Variants in DLGAP2 observed in about 807,000 individuals in gnomAD.
DLGAP2 encodes the protein DLG associated protein 2.
In DLGAP2, 26 loss-of-function variants were observed where a neutral mutation model predicts 100.3. The ratio of observed to expected loss-of-function variants is 0.26; its 90% CI spans 0.19 to 0.36. The LOEUF (loss-of-function observed/expected upper bound fraction) is 0.36. Among genes scored for constraint, DLGAP2 ranks in the 10% least tolerant of loss-of-function variants. The probability of loss-of-function intolerance (pLI) is 1.00; values close to 1 mark genes in which losing one functional copy is unlikely to be tolerated. For missense variants in DLGAP2, 1,858 were observed against 1,453.2 expected, an observed-to-expected ratio of 1.28 and a Z score of -4.53; for synonymous variants, 886 against 630.1, an observed-to-expected ratio of 1.41 and a Z score of -6.08.
At chr8:825,883 C>G (rs1423347647) in intron 1 of DLGAP2, among the ~76,000 whole-genome samples, 1 of 152,190 alleles carries the variant, frequency 6.6e-6, no homozygotes, top group African/African-American at 2.4e-5. Flanking sequence ...TTAGAACATA[C>G]AAGAAGTTGT....
chr8:1,430,088 G>C (rs1439177054), intron 3 of DLGAP2, among the ~76,000 whole-genome samples: 1 of 139,026 alleles, frequency 7.2e-6, no homozygotes, highest in African/African-American at 2.6e-5. Context: ...GTTACTGTGT[G>C]GTAAAATAAA....
intron 2 of DLGAP2, among the ~76,000 whole-genome samples, chr8:1,203,559 T>C (rs769554771): frequency 6.6e-6 from 1 of 152,246 alleles, no homozygotes; most frequent in African/African-American, 2.4e-5. Context: ...GGTTCTCTTT[T>C]ATCTAGCAGA....
intron 3 of DLGAP2, among the ~76,000 whole-genome samples, chr8:1,466,093 T>C (rs1175687315): frequency 2.6e-5 from 4 of 152,178 alleles, no homozygotes; most frequent in Non-Finnish European, 4.4e-5. Flanking sequence ...TGACATACTT[T>C]GCATTTTGAG....
intron 5 of DLGAP2, among the ~76,000 whole-genome samples, chr8:1,556,551 T>C (rs930953877): frequency 8.5e-5 from 13 of 152,140 alleles, no homozygotes; most frequent in African/African-American, 2.9e-4. Flanking sequence ...GACTTGGTGG[T>C]CCACATGCAG....
Position 772,225 on chromosome 8 carries a change from G to A in DLGAP2, c.18+34400G>A, listed in dbSNP as rs1036480961. Among the ~76,000 whole-genome samples, 15 of 151,984 alleles carry A rather than the reference G, an allele frequency of 9.9e-5. No individual in the cohort carries two copies. In the South Asian group the frequency reaches 2.9e-3, roughly 29 times the overall value. On this transcript the variant is annotated intron_variant, in intron 1 of 14. Coordinates refer to ENST00000637795, the MANE Select transcript of DLGAP2 (RefSeq NM_001346810.2). ...CTCATCTGTAATTTTAAATTTTCTA[G>A]TAGCCATATTGAAAAAGTAAAAACA...
chr8:766,464 C>T (rs1315509881), intron 1 of DLGAP2, among the ~76,000 whole-genome samples: 1 of 152,212 alleles, frequency 6.6e-6, no homozygotes, highest in Non-Finnish European at 1.5e-5. Flanking sequence ...CGGAATTGAA[C>T]TCTGGGGTGA....
intron 1 of DLGAP2, among the ~76,000 whole-genome samples, chr8:860,983 T>C (rs1797377934): frequency 6.6e-6 from 1 of 152,138 alleles, no homozygotes; most frequent in African/African-American, 2.4e-5. Flanking sequence ...TGGACAAATA[T>C]TCCATACATG....
chr8:1,109,065 TGGGTCTGTGAGGTGTGCAC>T lies in DLGAP2; in HGVS notation c.74-149746_74-149728del, dbSNP rs1438251689. On this transcript the variant is annotated intron_variant, in intron 2 of 14. Coordinates refer to ENST00000637795, the MANE Select transcript of DLGAP2 (RefSeq NM_001346810.2). ...GTGTGCATGTGCCTATGAAGTGTGC[TGGGTCTGTGAGGTGTGCAC>T]GGGTCTGTGAGGTGTGCACGGGTCT... Among the ~76,000 whole-genome samples the T allele has an allele frequency of 9.3e-3, 1,107 of 119,108 alleles. 18 individuals are homozygous for T. The highest frequency in any genetic ancestry group is 0.016 in the Middle Eastern group (3 of 186). The allele number at this position is 119,108 out of a possible 152,430, so 78.1% of individuals were successfully genotyped here.
intron 3 of DLGAP2, among the ~76,000 whole-genome samples, chr8:1,328,248 G>T (rs1259763858): frequency 6.6e-6 from 1 of 151,660 alleles, no homozygotes; most frequent in Non-Finnish European, 1.5e-5. Context: ...CACCTCATTG[G>T]CCAGGCTGGT....
chr8:1,250,566 T>A (rs940285096), intron 2 of DLGAP2: 11 of 152,194 alleles, frequency 7.2e-5, no homozygotes, highest in Non-Finnish European at 1.2e-4. Flanking sequence ...ATGAGGATCC[T>A]GAGCAGGTAA....
At chr8:1,204,030 G>A (rs1442684962) in intron 2 of DLGAP2, among the ~76,000 whole-genome samples, 1 of 152,224 alleles carries the variant, frequency 6.6e-6, no homozygotes, top group African/African-American at 2.4e-5. Flanking sequence ...AAACTTCAAT[G>A]TGCTTACGAA....
At chr8:1,079,066 A>T (rs1373978460) in intron 2 of DLGAP2, among the ~76,000 whole-genome samples, 2 of 152,194 alleles carry the variant, frequency 1.3e-5, no homozygotes, top group Non-Finnish European at 2.9e-5. Context: ...CCAGCGTTTC[A>T]TGCTGTCAGG....
chr8:835,636 A>G (rs1279884675), intron 1 of DLGAP2, among the ~76,000 whole-genome samples: 2 of 152,148 alleles, frequency 1.3e-5, no homozygotes, highest in East Asian at 1.9e-4. Context: ...AGGCACTCTT[A>G]AAACGAGTTC....
In DLGAP2 at chr8:1,308,615, TC is replaced by T. The variant is rs775432733; in HGVS notation, c.106+49734del. On this transcript the variant is annotated intron_variant, in intron 3 of 14. Coordinates refer to ENST00000637795, the MANE Select transcript of DLGAP2 (RefSeq NM_001346810.2). ...ATCTCAGCTCACTGCAACCTCAACC[TC>T]CTGGGTTCAAGTGATTCTCCTGCCT... Among the ~76,000 whole-genome samples, 5 of 152,280 alleles carry T rather than the reference TC, an allele frequency of 3.3e-5. No individual in the cohort carries two copies. In the South Asian group the frequency reaches 6.2e-4, roughly 19 times the overall value.
At chr8:1,213,166 G>C (rs1041150291) in intron 2 of DLGAP2, among the ~76,000 whole-genome samples, 8 of 152,128 alleles carry the variant, frequency 5.3e-5, no homozygotes, top group Non-Finnish European at 1.0e-4. Context: ...TTTCCTTGCT[G>C]TGTGCGGGAT....
chr8:1,411,064 C>T lies in DLGAP2; in HGVS notation c.107-90302C>T, dbSNP rs144323106. On this transcript the variant is annotated intron_variant, in intron 3 of 14. Coordinates refer to ENST00000637795, the MANE Select transcript of DLGAP2 (RefSeq NM_001346810.2). ...GCATAAAAGGTGACTAAAGTGTCAC[C>T]GTGGAAAGCTACCTGCATACGCCAG... Among the ~76,000 whole-genome samples, 172 of 152,170 alleles carry T rather than the reference C, an allele frequency of 1.1e-3. 2 individuals carry two copies. The highest frequency in any genetic ancestry group is 4.0e-3 in the African/African-American group (167 of 41,516).
intron 2 of DLGAP2, among the ~76,000 whole-genome samples, chr8:1,170,875 C>T (rs1019733613): frequency 1.4e-5 from 2 of 146,344 alleles, no homozygotes; most frequent in African/African-American, 5.0e-5. Context: ...TTTTGTGTCT[C>T]TATTTCCTTC....
At chr8:1,041,560 G>T (rs1802348386) in intron 2 of DLGAP2, among the ~76,000 whole-genome samples, 1 of 151,528 alleles carries the variant, frequency 6.6e-6, no homozygotes, top group Non-Finnish European at 1.5e-5. Context: ...CGAACCCCTT[G>T]CCGTGGGTGA....
intron 2 of DLGAP2, among the ~76,000 whole-genome samples, chr8:1,233,650 C>A (rs13265768): frequency 3.3e-5 from 5 of 152,034 alleles, no homozygotes; most frequent in Admixed American, 2.0e-4. Flanking sequence ...TGCTAAGCTT[C>A]GTTTGTGTTT....
Sources: allele counts gnomAD v4.1 joint callset (sites outside exome capture counted in the v4.1 genomes callset), GRCh38; gene constraint gnomAD v4.1.1; transcripts MANE v1.5; gene names NCBI Gene and HGNC (gene_info 2026-07-23, HGNC 2026-07-21).